GRID2: variants seen among roughly 807,000 people sequenced by gnomAD.
GRID2 encodes glutamate ionotropic receptor delta type subunit 2.
A neutral mutation model predicts 114.8 loss-of-function variants in GRID2; 33 were observed. The observed-to-expected ratio is 0.29, with a 90% CI of 0.22 to 0.38. GRID2 has a LOEUF of 0.38. GRID2 is among the 10% of genes least tolerant of loss of function. The pLI is 1.00. For synonymous variants in GRID2, 505 were observed against 449.9 expected, an observed-to-expected ratio of 1.12 and a Z score of -1.55; for missense variants, 1,184 against 1,257.7, an observed-to-expected ratio of 0.94 and a Z score of 0.89.
chr4:92,514,368 T>C (rs1195241275), intron 1 of GRID2, among the ~76,000 whole-genome samples: 12 of 151,906 alleles, frequency 7.9e-5, no homozygotes, highest in African/African-American at 2.7e-4. Context: ...TTATTATTGA[T>C]AGTGTGAATA....
chr4:92,791,112 CAAAA>C (rs887396981), intron 2 of GRID2, among the ~76,000 whole-genome samples: 1 of 149,906 alleles, frequency 6.7e-6, no homozygotes, highest in Admixed American at 6.7e-5. Context: ...ATTATCAGAA[CAAAA>C]AAAAATTATA....
chr4:92,466,747 T>A (rs2149092283), intron 1 of GRID2, among the ~76,000 whole-genome samples: 1 of 151,854 alleles, frequency 6.6e-6, no homozygotes, highest in African/African-American at 2.4e-5. Flanking sequence ...TGGATTGGCA[T>A]ATTTCTGTTA....
At chr4:93,244,152 T>G (rs924213687) in intron 8 of GRID2, among the ~76,000 whole-genome samples, 1 of 152,060 alleles carries the variant, frequency 6.6e-6, no homozygotes, top group African/African-American at 2.4e-5. Context: ...CACATATTAT[T>G]GCAGACTGAA....
chr4:93,634,452 A>C (rs1721233080), intron 14 of GRID2, among the ~76,000 whole-genome samples: 1 of 152,208 alleles, frequency 6.6e-6, no homozygotes, highest in South Asian at 2.1e-4. Flanking sequence ...GTTATAAAGC[A>C]TCTACTACAC....
At chr4:92,516,829 A>G (rs1018949553) in intron 1 of GRID2, among the ~76,000 whole-genome samples, 4 of 151,878 alleles carry the variant, frequency 2.6e-5, no homozygotes, top group Non-Finnish European at 5.9e-5. Flanking sequence ...TACCCTTTCC[A>G]GGAATACAGT....
chr4:93,423,020 C>G, intron 10 of GRID2, 52 bp downstream of exon 10: 1 of 1,241,474 alleles, frequency 8.1e-7, no homozygotes, highest in East Asian at 2.4e-5. Context: ...AATTATTTGT[C>G]TCATACCTAA....
chr4:93,316,367 A>AAAAG (rs1221970817), intron 8 of GRID2, among the ~76,000 whole-genome samples: 4 of 125,890 alleles, frequency 3.2e-5, no homozygotes, highest in Admixed American at 8.0e-5. Context: ...AAGGAAAAGA[A>AAAAG]AAAGAAAGAA....
intron 8 of GRID2, among the ~76,000 whole-genome samples, chr4:93,359,044 A>T (rs1003011389): frequency 6.6e-6 from 1 of 151,916 alleles, no homozygotes; most frequent in African/African-American, 2.4e-5. Flanking sequence ...ATCAGGTTTG[A>T]CTCACCTCAG....
chr4:93,210,652 T>G (rs535593407), intron 5 of GRID2, among the ~76,000 whole-genome samples: 5 of 152,192 alleles, frequency 3.3e-5, no homozygotes, highest in African/African-American at 1.2e-4. Context: ...AGGCTCAATT[T>G]GTACTTTGGG....
intron 1 of GRID2, among the ~76,000 whole-genome samples, chr4:93,796,916 A>C (rs1405067450): frequency 6.6e-6 from 1 of 152,130 alleles, no homozygotes; most frequent in African/African-American, 2.4e-5. Flanking sequence ...TCATTTAACA[A>C]TGGGGTACGT....
At chr4:92,876,383 C>G (rs1440229482) in intron 2 of GRID2, among the ~76,000 whole-genome samples, 1 of 151,948 alleles carries the variant, frequency 6.6e-6, no homozygotes, top group African/African-American at 2.4e-5. Flanking sequence ...ACTGCAAGCT[C>G]CGCCCCAGCC....
chr4:93,485,598 A>G (rs1271725070), intron 11 of GRID2, among the ~76,000 whole-genome samples: 4 of 151,728 alleles, frequency 2.6e-5, no homozygotes, highest in African/African-American at 9.7e-5. Context: ...TCATACATAT[A>G]TCTAATTAAC....
At chr4:93,136,681 A>G (rs1735284189) in intron 4 of GRID2, among the ~76,000 whole-genome samples, 1 of 152,134 alleles carries the variant, frequency 6.6e-6, no homozygotes, top group African/African-American at 2.4e-5. Flanking sequence ...TCTAAAGGAG[A>G]AACAATAGAA....
chr4:92,590,011 A>G (rs1560476072), intron 1 of GRID2, 120 bp from the exon 2 acceptor site: 20 of 642,798 alleles, frequency 3.1e-5, no homozygotes, highest in Non-Finnish European at 1.6e-5. Flanking sequence ...TAATAAATAA[A>G]GTGCATGCTC....
At chr4:93,479,451 A>T (rs138088566) in intron 11 of GRID2, among the ~76,000 whole-genome samples, 1 of 152,152 alleles carries the variant, frequency 6.6e-6, no homozygotes, top group African/African-American at 2.4e-5. Flanking sequence ...TCACATGATT[A>T]TGGAGGCTGA....
chr4:92,688,037 C>CCTTTTTTTTTTTTTTTT (rs1553916864), intron 2 of GRID2, among the ~76,000 whole-genome samples: 1,298 of 44,638 alleles, frequency 0.029, 157 homozygotes, highest in East Asian at 0.073. Context: ...CCTTCTTCTT[C>CCTTTTTTTTTTTTTTTT]TTTTTTTTTT....
chr4:92,795,032 A>T (rs997811885), intron 2 of GRID2, among the ~76,000 whole-genome samples: 3 of 151,498 alleles, frequency 2.0e-5, no homozygotes, highest in African/African-American at 7.3e-5. Context: ...GTAGTGAATC[A>T]TTATTAAAGT....
intron 2 of GRID2, among the ~76,000 whole-genome samples, chr4:92,947,656 A>G (rs1350055281): frequency 2.0e-5 from 3 of 151,784 alleles, no homozygotes; most frequent in African/African-American, 7.2e-5. Flanking sequence ...CTGTTTCTTG[A>G]CCATATATAG....
intron 1 of GRID2, among the ~76,000 whole-genome samples, chr4:92,359,709 C>G (rs1488708877): frequency 2.6e-5 from 4 of 151,924 alleles, no homozygotes; most frequent in Admixed American, 6.6e-5. Context: ...GAATTGGAAG[C>G]CTTTCTACCA....
Sources: allele counts gnomAD v4.1 joint callset (sites outside exome capture counted in the v4.1 genomes callset), GRCh38; gene constraint gnomAD v4.1.1; transcripts MANE v1.5; gene names NCBI Gene and HGNC (gene_info 2026-07-23, HGNC 2026-07-21).